The following HIPK2 variants were observed in gnomAD, a reference collection of about 807,000 sequenced individuals.
HIPK2 encodes the protein homeodomain interacting protein kinase 2.
Under a neutral mutation model 113.7 loss-of-function variants are expected in HIPK2, and 27 were observed. That is an observed-to-expected ratio of 0.24 (90% CI 0.17 to 0.33). The LOEUF is 0.33. HIPK2 is among the 10% of genes least tolerant of loss of function. The probability of loss-of-function intolerance (pLI) is 1.00; values close to 1 mark genes in which losing one functional copy is unlikely to be tolerated. For missense variants in HIPK2, 1,257 were observed against 1,588.0 expected (o/e 0.79, Z 3.54); for synonymous variants, 631 against 642.2 (o/e 0.98, Z 0.26).
chr7:139,647,575 G>A (rs561935911), intron 2 of HIPK2, among the ~76,000 whole-genome samples: 3 of 152,252 alleles, frequency 2.0e-5, no homozygotes, highest in Admixed American at 6.5e-5. Context: ...TAGGGAGTTT[G>A]TATCTATCTA....
intron 1 of HIPK2, among the ~76,000 whole-genome samples, chr7:139,718,513 C>T (rs1795313403): frequency 6.6e-6 from 1 of 152,200 alleles, no homozygotes; most frequent in Non-Finnish European, 1.5e-5. Context: ...CCTGAATCTA[C>T]ATCATCCTCC....
chr7:139,657,053 T>C (rs1380655319), intron 2 of HIPK2, among the ~76,000 whole-genome samples: 2 of 152,158 alleles, frequency 1.3e-5, no homozygotes, highest in East Asian at 3.9e-4. Context: ...GTATTTTTAA[T>C]AGAGACGGGG....
At chr7:139,690,944 C>T (rs1050195601) in intron 2 of HIPK2, among the ~76,000 whole-genome samples, 35 of 152,144 alleles carry the variant, frequency 2.3e-4, no homozygotes, top group African/African-American at 8.0e-4. Flanking sequence ...TCCTACGAAC[C>T]GGGTGTTTGA....
rs756292222 is a variant in HIPK2, at chr7:139,669,560, T to C, written c.1104-37835A>G. ...TCTTACACGGATGGTATCTGGCAAATAGAGATGAGCATGAGACCACATAAA... is the reference window on the plus strand; with the variant it reads ...TCTTACACGGATGGTATCTGGCAAACAGAGATGAGCATGAGACCACATAAA... On this transcript the variant is annotated intron_variant, in intron 2 of 14. Transcript: ENST00000406875. Among the ~76,000 whole-genome samples, 3 of 142,722 alleles carry C rather than the reference T, an allele frequency of 2.1e-5. No homozygotes were observed. In the East Asian group the frequency reaches 6.2e-4, roughly 29 times the overall value. The allele number at this position is 142,722 out of a possible 152,430, so 93.6% of individuals were successfully genotyped here.
At chr7:139,612,982 C>T (rs1053214244) in intron 9 of HIPK2, among the ~76,000 whole-genome samples, 5 of 152,040 alleles carry the variant, frequency 3.3e-5, no homozygotes, top group Non-Finnish European at 7.4e-5. Flanking sequence ...TAATAATTTC[C>T]CCAGACTCTC....
intron 2 of HIPK2, among the ~76,000 whole-genome samples, chr7:139,656,344 C>A (rs1221383950): frequency 6.6e-6 from 1 of 152,214 alleles, no homozygotes; most frequent in East Asian, 1.9e-4. Flanking sequence ...CCAGCAGAAC[C>A]ATGATTTTTT....
chr7:139,631,834 G>C lies in HIPK2; in HGVS notation c.1104-109C>G. ...GGGTGCCATTACTGACTCCTCCTCT[G>C]AAGGGCCTGTGGCTCTCAGGAGAGG... On this transcript the variant is annotated intron_variant, in intron 2 of 14. Transcript: ENST00000406875. This position sits in a 1 kb window ranked among gnomAD's most constrained non-coding sequence, Gnocchi z 4.9. 7.3e-7 allele frequency: 1 copy of C among 1,361,686 alleles called. No individual in the cohort carries two copies. Among genetic ancestry groups the C allele is most frequent in the East Asian group, 2.5e-5 (1 of 39,576 alleles). 84.4% of individuals were successfully genotyped at this position (1,361,686 alleles called of 1,614,324 possible).
intron 10 of HIPK2, 25 bp from the exon 11 acceptor site, chr7:139,600,621 G>C: frequency 6.2e-7 from 1 of 1,611,490 alleles, no homozygotes; most frequent in South Asian, 1.1e-5. Flanking sequence ...GGACAACAAG[G>C]TGCCTTAGAG....
intron 2 of HIPK2, among the ~76,000 whole-genome samples, chr7:139,675,285 C>T (rs1363400257): frequency 6.6e-6 from 1 of 152,072 alleles, no homozygotes; most frequent in African/African-American, 2.4e-5. Context: ...ACCGAGAACA[C>T]AAAGAGGTGT....
At chr7:139,744,503 T>C (rs1585448672) in intron 1 of HIPK2, among the ~76,000 whole-genome samples, 1 of 152,218 alleles carries the variant, frequency 6.6e-6, no homozygotes, top group South Asian at 2.1e-4. Context: ...GTGCCTGATG[T>C]ACAACTTAGT....
intron 2 of HIPK2, among the ~76,000 whole-genome samples, chr7:139,638,374 C>T (rs4449733): frequency 0.03 from 4,533 of 152,262 alleles, 221 homozygotes; most frequent in African/African-American, 0.1. Flanking sequence ...CAGACACTGC[C>T]CACTGTCTCT....
intron 2 of HIPK2, among the ~76,000 whole-genome samples, chr7:139,653,879 C>T (rs935924128): frequency 7.2e-5 from 11 of 151,958 alleles, no homozygotes; most frequent in Admixed American, 1.3e-4. Flanking sequence ...GTTAAAGGTG[C>T]CTGCCACCAC....
At chr7:139,585,523 C>T (rs1798805179) in intron 12 of HIPK2, among the ~76,000 whole-genome samples, 1 of 152,318 alleles carries the variant, frequency 6.6e-6, no homozygotes, top group East Asian at 1.9e-4. Flanking sequence ...AGAACACGAA[C>T]CTTGGAGTCA....
chr7:139,679,893 C>G (rs1802636763), intron 2 of HIPK2, among the ~76,000 whole-genome samples: 1 of 151,526 alleles, frequency 6.6e-6, no homozygotes, highest in South Asian at 2.1e-4. Context: ...GAACATTTAG[C>G]TTAAAATAAA....
At chr7:139,607,495 A>C (rs1219497587) in intron 9 of HIPK2, among the ~76,000 whole-genome samples, 1 of 152,182 alleles carries the variant, frequency 6.6e-6, no homozygotes, top group African/African-American at 2.4e-5. Flanking sequence ...ACACATCAAC[A>C]CATCAAACAT....
chr7:139,621,168 T>C (rs1282349584), intron 6 of HIPK2, among the ~76,000 whole-genome samples: 2 of 152,152 alleles, frequency 1.3e-5, no homozygotes, highest in African/African-American at 4.8e-5. Flanking sequence ...CATTTATTAG[T>C]GTCCTAATAA....
At chr7:139,592,269 A>G (rs1799053192) in intron 12 of HIPK2, among the ~76,000 whole-genome samples, 1 of 152,220 alleles carries the variant, frequency 6.6e-6, no homozygotes, top group Admixed American at 6.5e-5. Context: ...GGCTGCTTAC[A>G]CAGGCACAGT....
chr7:139,676,631 A>G lies in HIPK2; in HGVS notation c.1103+39301T>C, dbSNP rs114235286. ...TTGGTTCAACAGACCAAAGCTAGAT[A>G]TGAGTCCCCCTTCTTCCAACATGCC... On this transcript the variant is annotated intron_variant, in intron 2 of 14. Coordinates refer to ENST00000406875, the MANE Select transcript of HIPK2 (RefSeq NM_022740.5). Among the ~76,000 whole-genome samples the G allele has an allele frequency of 6.8e-3, 1,039 of 152,312 alleles. 14 individuals are homozygous for G. The highest frequency in any genetic ancestry group is 0.024 in the African/African-American group (991 of 41,554).
At chr7:139,674,859 C>A (rs185091750) in intron 2 of HIPK2, among the ~76,000 whole-genome samples, 1 of 152,262 alleles carries the variant, frequency 6.6e-6, no homozygotes, top group Non-Finnish European at 1.5e-5. Flanking sequence ...AAAAGAGGTG[C>A]CACATATGGA....
Sources: allele counts gnomAD v4.1 joint callset (sites outside exome capture counted in the v4.1 genomes callset), GRCh38; gene constraint gnomAD v4.1.1; non-coding constraint Gnocchi (gnomAD v3.1); transcripts MANE v1.5; gene names NCBI Gene and HGNC (gene_info 2026-07-23, HGNC 2026-07-21).